SPTLC3: variants seen among roughly 807,000 people sequenced by gnomAD.
SPTLC3 encodes the protein serine palmitoyltransferase long chain base subunit 3.
A neutral mutation model predicts 59.3 loss-of-function variants in SPTLC3; 36 were observed. The ratio of observed to expected loss-of-function variants is 0.61; its 90% CI spans 0.47 to 0.80. The LOEUF (loss-of-function observed/expected upper bound fraction) is 0.80. Ranked by LOEUF, SPTLC3 falls within the 30% of genes least tolerant of loss-of-function variation. SPTLC3 has a pLI of 0.00. For missense variants in SPTLC3, 625 were observed against 685.1 expected (o/e 0.91, Z 0.98); for synonymous variants, 257 against 240.8 (o/e 1.07, Z -0.62).
At chr20:13,080,660 A>G (rs1363661436) in intron 4 of SPTLC3, among the ~76,000 whole-genome samples, 2 of 152,182 alleles carry the variant, frequency 1.3e-5, no homozygotes, top group Non-Finnish European at 2.9e-5. Context: ...AATAACCCGT[A>G]GTTTCAAAGG....
At chr20:13,027,631 A>G (rs907696905) in intron 1 of SPTLC3, among the ~76,000 whole-genome samples, 7 of 118,020 alleles carry the variant, frequency 5.9e-5, no homozygotes, top group Admixed American at 5.4e-4. Flanking sequence ...TCAGTAATCT[A>G]TTTCAGCACG....
chr20:13,086,676 G>GT (rs1989014788), intron 4 of SPTLC3, among the ~76,000 whole-genome samples: 1 of 152,190 alleles, frequency 6.6e-6, no homozygotes, highest in Non-Finnish European at 1.5e-5. Context: ...TGCTAACCAT[G>GT]TGCCCACTGG....
intron 4 of SPTLC3, among the ~76,000 whole-genome samples, chr20:13,083,658 G>A (rs17263020): frequency 0.27 from 41,760 of 152,076 alleles, 5,901 homozygotes; most frequent in Middle Eastern, 0.35. Flanking sequence ...TCACAAACTC[G>A]AGAGTGCAAG....
At chr20:13,046,591 G>A (rs538786069) in intron 1 of SPTLC3, among the ~76,000 whole-genome samples, 5 of 152,308 alleles carry the variant, frequency 3.3e-5, no homozygotes, top group African/African-American at 1.2e-4. Flanking sequence ...AAGGATGTGG[G>A]AGGTGGGTCT....
chr20:13,035,359 C>T (rs1986688266), intron 1 of SPTLC3, among the ~76,000 whole-genome samples: 1 of 152,116 alleles, frequency 6.6e-6, no homozygotes, highest in South Asian at 2.1e-4. Context: ...GCGGCCTGAA[C>T]AACTTGAGTT....
intron 1 of SPTLC3, among the ~76,000 whole-genome samples, chr20:13,012,368 G>C (rs1181497859): frequency 6.6e-6 from 1 of 152,080 alleles, no homozygotes; most frequent in African/African-American, 2.4e-5. Context: ...CCTAACAGGT[G>C]GTTGCTTTTT....
chr20:13,097,125 A>T (rs777759593), intron 6 of SPTLC3, among the ~76,000 whole-genome samples: 3 of 152,180 alleles, frequency 2.0e-5, no homozygotes, highest in Non-Finnish European at 2.9e-5. Flanking sequence ...AGTAGAAAAC[A>T]TTATGGAAAA....
Position 13,153,623 on chromosome 20 carries a change from G to C in SPTLC3, c.1280-380G>C, listed in dbSNP as rs543572495. On this transcript the variant is annotated intron_variant, in intron 9 of 11. Coordinates refer to ENST00000399002, the MANE Select transcript of SPTLC3 (RefSeq NM_018327.4). ...TCTACCAATATCTGCTATGAAGTGT[G>C]GGGGGTGGGGGAAGTGGTTATGTTC... 1.2e-4 allele frequency among the ~76,000 whole-genome samples: 19 copies of C among 152,184 alleles called. No individual in the cohort carries two copies. The South Asian group carries it at 2.3e-3, about 18-fold the overall frequency.
intron 1 of SPTLC3, among the ~76,000 whole-genome samples, chr20:13,015,805 G>A (rs930208916): frequency 2.0e-5 from 3 of 151,830 alleles, no homozygotes; most frequent in Non-Finnish European, 4.4e-5. Flanking sequence ...AATATTATAG[G>A]TAATTGTTAA....
intron 3 of SPTLC3, 24 bp downstream of exon 3, chr20:13,072,434 T>C (rs955247441): frequency 1.0e-5 from 16 of 1,537,452 alleles, no homozygotes; most frequent in African/African-American, 1.4e-5. Context: ...TTGGAGGGGA[T>C]TGGTGAAAAG....
At chr20:13,162,695 T>C (rs761987213) in intron 11 of SPTLC3, among the ~76,000 whole-genome samples, 10 of 152,208 alleles carry the variant, frequency 6.6e-5, no homozygotes, top group Non-Finnish European at 1.3e-4. Context: ...CAATAACAAC[T>C]CTAGCCTCGC....
chr20:13,152,141 A>G (rs1455787831), intron 9 of SPTLC3, among the ~76,000 whole-genome samples: 2 of 152,206 alleles, frequency 1.3e-5, no homozygotes, highest in Non-Finnish European at 2.9e-5. Context: ...TCTAGAATCC[A>G]ATTCTGGCTT....
At chr20:13,135,070 A>G (rs6109723) in intron 9 of SPTLC3, among the ~76,000 whole-genome samples, 22,620 of 152,262 alleles carry the variant, frequency 0.15, 1,754 homozygotes, top group East Asian at 0.2. Context: ...CATGGTCACA[A>G]CATTCATTTT....
At chr20:13,009,706 C>T (rs2122343631) in intron 1 of SPTLC3, among the ~76,000 whole-genome samples, 1 of 152,306 alleles carries the variant, frequency 6.6e-6, no homozygotes, top group South Asian at 2.1e-4. Context: ...CAACTCTTTG[C>T]ATATATTTTT....
rs200454725 is a variant in SPTLC3, at chr20:13,080,639, T to TA, written c.607+6151dup. 8.1e-3 allele frequency among the ~76,000 whole-genome samples: 1,223 copies of TA among 151,238 alleles called. 12 individuals carry two copies. The highest frequency in any genetic ancestry group is 0.028 in the African/African-American group (1,140 of 41,252). On this transcript the variant is annotated intron_variant, in intron 4 of 11. Coordinates refer to ENST00000399002, the MANE Select transcript of SPTLC3 (RefSeq NM_018327.4). ...TCCTTTTTCCCTAACTGACAAAAGT[T>TA]AAAAAAAAATAATAACCCGTAGTTT...
At chr20:13,106,711 G>A (rs909190708) in intron 6 of SPTLC3, among the ~76,000 whole-genome samples, 22 of 152,270 alleles carry the variant, frequency 1.4e-4, no homozygotes, top group South Asian at 2.1e-4. Flanking sequence ...TGGGGTAACC[G>A]TGCCCTACGT....
intron 4 of SPTLC3, among the ~76,000 whole-genome samples, chr20:13,083,200 G>A (rs1044027168): frequency 2.6e-5 from 4 of 152,154 alleles, no homozygotes; most frequent in African/African-American, 9.7e-5. Context: ...GGGTCCAGGA[G>A]TTTATCCAGA....
chr20:13,106,085 C>CA (rs1459863902), intron 6 of SPTLC3, among the ~76,000 whole-genome samples: 3 of 152,064 alleles, frequency 2.0e-5, no homozygotes, highest in Non-Finnish European at 2.9e-5. Flanking sequence ...TGGGAACGTT[C>CA]AAAAAATATC....
chr20:13,116,469 T>C (rs1482390152), intron 7 of SPTLC3, among the ~76,000 whole-genome samples: 1 of 152,172 alleles, frequency 6.6e-6, no homozygotes, highest in African/African-American at 2.4e-5. Flanking sequence ...ATTTTTTTAA[T>C]CCATTGAGTC....
Sources: allele counts gnomAD v4.1 joint callset (sites outside exome capture counted in the v4.1 genomes callset), GRCh38; gene constraint gnomAD v4.1.1; transcripts MANE v1.5; gene names NCBI Gene and HGNC (gene_info 2026-07-23, HGNC 2026-07-21).